The following TNNT1 variants were observed in gnomAD, a reference collection of about 807,000 sequenced individuals.
TNNT1 encodes troponin T, slow skeletal muscle.
TNNT1 carries 53 observed loss-of-function variants against 50.6 expected under a neutral mutation model. That is an observed-to-expected ratio of 1.05 (90% CI 0.84 to 1.32). The LOEUF is 1.32. Among genes scored for constraint, TNNT1 ranks in the 40% most tolerant of loss-of-function variants. The pLI is 0.00. For synonymous variants in TNNT1, 142 were observed against 138.0 expected (o/e 1.03, Z -0.20); for missense variants, 348 against 381.7 (o/e 0.91, Z 0.74).
Position 55,132,713 on chromosome 19 carries a change from C to A in TNNT1, c.*202G>T, listed in dbSNP as rs2085269939. The A allele has an allele frequency of 1.3e-5, 8 of 620,126 alleles. No homozygotes were observed. The highest frequency in any genetic ancestry group is 2.0e-5 in the Non-Finnish European group (7 of 347,144). The allele number at this position is 620,126 out of a possible 1,614,324, so 38.4% of individuals were successfully genotyped here. A position where few individuals can be genotyped will look rare whatever the true frequency, so the allele number is the denominator to read the frequency against. On this transcript the variant is annotated 3_prime_UTR_variant, in exon 14 of 14. Transcript: ENST00000588981. ...CAGCAGTGTGTGAAGGTTCAGCCTG[C>A]CGTACTTTAATGATTATTGGTGACA...
intron 11 of TNNT1, among the ~76,000 whole-genome samples, chr19:55,135,913 TC>T (rs1285013153): frequency 6.6e-6 from 1 of 152,110 alleles, no homozygotes; most frequent in Non-Finnish European, 1.5e-5. Flanking sequence ...GCACATCCTT[TC>T]CCGTCTCCAC....
Position 55,141,883 on chromosome 19 carries a change from G to A in TNNT1, c.166C>T (p.Pro56Ser). ...VVPPLIPPKI[P>S]EGERVDFDDI... ...TCGAAGTCAACGCGCTCCCCTTCTG[G>A]GATCTTTGGCGGGATCAAAGGAGGC... Residue 56 changes from proline (P) to serine (S), a missense_variant, in exon 7 of 14, where the codon CCA (proline) becomes TCA (serine). Coordinates refer to ENST00000588981, the MANE Select transcript of TNNT1 (RefSeq NM_003283.6). 1 of 1,614,052 alleles carries A rather than the reference G, an allele frequency of 6.2e-7. No individual in the cohort carries two copies. Among genetic ancestry groups the A allele is most frequent in the Non-Finnish European group, 8.5e-7 (1 of 1,179,984 alleles).
intron 4 of TNNT1, 84 bp downstream of exon 4, chr19:55,146,592 CGGGAG>C: frequency 8.1e-7 from 1 of 1,234,888 alleles, no homozygotes; most frequent in Non-Finnish European, 1.1e-6. Context: ...CCGAGGCCGT[CGGGAG>C]CCCCATCCCG....
chr19:55,147,856 A>G (rs1469251691), intron 1 of TNNT1: 9 of 102,312 alleles, frequency 8.8e-5, no homozygotes, highest in Admixed American at 1.0e-4. Context: ...AAGGGAGGAG[A>G]GGCTGGGAGT....
intron 8 of TNNT1, 43 bp from the exon 9 acceptor site, chr19:55,141,003 C>A (rs1186697921): frequency 6.2e-7 from 1 of 1,608,150 alleles, no homozygotes; most frequent in Non-Finnish European, 8.5e-7. Context: ...GACGTACCCC[C>A]AGTCTTCCTT....
chr19:55,135,077 T>C (rs1257207974), intron 11 of TNNT1, among the ~76,000 whole-genome samples: 1 of 152,116 alleles, frequency 6.6e-6, no homozygotes, highest in Non-Finnish European at 1.5e-5. Context: ...AAATAGCCTC[T>C]TGTGCATTAG....
chr19:55,146,962 C>T, intron 3 of TNNT1, 46 bp downstream of exon 3: 1 of 1,565,486 alleles, frequency 6.4e-7, no homozygotes, highest in Non-Finnish European at 8.7e-7. Flanking sequence ...CCCAAGAGCT[C>T]CTGGGCGTGT....
chr19:55,146,768 C>T, intron 3 of TNNT1, 61 bp from the exon 4 acceptor site: 1 of 1,355,028 alleles, frequency 7.4e-7, no homozygotes. Context: ...GGGGCGGTGG[C>T]CAGAGACCAG....
chr19:55,142,513 ATTG>A (rs954049711), intron 6 of TNNT1, among the ~76,000 whole-genome samples: 12 of 150,738 alleles, frequency 8.0e-5, no homozygotes, highest in African/African-American at 2.9e-4. Flanking sequence ...TTTTTCCTAT[ATTG>A]TTGTACTTTA....
intron 3 of TNNT1, 89 bp downstream of exon 3, chr19:55,146,919 C>T (rs2085567449): frequency 6.8e-7 from 1 of 1,471,272 alleles, no homozygotes; most frequent in Admixed American, 2.3e-5. Flanking sequence ...GCCGCCCCTT[C>T]CCCGCCAAAG....
intron 3 of TNNT1, 145 bp downstream of exon 3, chr19:55,146,863 G>A (rs923378735): frequency 1.6e-6 from 2 of 1,254,586 alleles, no homozygotes; most frequent in African/African-American, 3.0e-5. Flanking sequence ...ATGGCGCGAG[G>A]AGACGCTCCA....
intron 6 of TNNT1, among the ~76,000 whole-genome samples, chr19:55,142,270 A>G (rs139857818): frequency 0.014 from 2,104 of 148,288 alleles, 62 homozygotes; most frequent in African/African-American, 0.048. Context: ...ACAGGCGCCC[A>G]CCACCAAGCC....
intron 11 of TNNT1, chr19:55,135,414 CT>C (rs112550851): frequency 6.1e-3 from 1,346 of 221,140 alleles, no homozygotes; most frequent in South Asian, 0.014. Flanking sequence ...TCTTTCTTTT[CT>C]TTTTTTTTTG....
chr19:55,145,404 A>T lies in TNNT1; in HGVS notation c.128+140T>A, dbSNP rs1472523350. ...GGAGGGAGGAGGGAAAGGGGGAGGG[A>T]GGAGGAGGAGGAGGAGAAATGTCGA... On this transcript the variant is annotated intron_variant, in intron 6 of 13. Coordinates refer to ENST00000588981, the MANE Select transcript of TNNT1 (RefSeq NM_003283.6). 11 of 623,132 alleles carry T rather than the reference A, an allele frequency of 1.8e-5. No individual in the cohort carries two copies. The East Asian group carries it at 3.3e-4, about 19-fold the overall frequency. The allele number at this position is 623,132 out of a possible 1,614,324, so 38.6% of individuals were successfully genotyped here.
chr19:55,136,645 G>A lies in TNNT1; in HGVS notation c.611+458C>T, dbSNP rs569401476. On this transcript the variant is annotated intron_variant, in intron 11 of 13. Coordinates refer to ENST00000588981, the MANE Select transcript of TNNT1 (RefSeq NM_003283.6). ...CCAGGCCAGAGAACATGGAGAAACA[G>A]GCGGGCTCCTGAAGGCAAGCCCCCA... Among the ~76,000 whole-genome samples, 38 of 152,286 alleles carry A rather than the reference G, an allele frequency of 2.5e-4. No individual in the cohort carries two copies. In the South Asian group the frequency reaches 6.6e-3, roughly 27 times the overall value.
chr19:55,149,197 G>A lies in TNNT1; in HGVS notation c.-48C>T, dbSNP rs1405748401. The stretch of plus-strand genomic sequence containing the variant: ...CTGAGATGCTGTGAATCTTGAGGCT[G>A]AGCCTTGCTGAGGGCACTGAAGCTC... On this transcript the variant is annotated 5_prime_UTR_variant, in exon 1 of 14. Coordinates refer to ENST00000588981, the MANE Select transcript of TNNT1 (RefSeq NM_003283.6). The A allele has an allele frequency of 2.2e-6, 1 of 456,290 alleles. No individual in the cohort carries two copies. The highest frequency in any genetic ancestry group is 4.4e-6 in the Non-Finnish European group (1 of 226,946). The allele number at this position is 456,290 out of a possible 1,614,324, so 28.3% of individuals were successfully genotyped here. A position where few individuals can be genotyped will look rare whatever the true frequency, so the allele number is the denominator to read the frequency against.
At chr19:55,139,153 C>A (rs1030564867) in intron 9 of TNNT1, among the ~76,000 whole-genome samples, 1 of 152,134 alleles carries the variant, frequency 6.6e-6, no homozygotes, top group Admixed American at 6.5e-5. Flanking sequence ...ACATGTGCCA[C>A]CATTACCAGC....
At chr19:55,137,323 G>C (rs1416434389) in intron 10 of TNNT1, 111 bp from the exon 11 acceptor site, 8 of 739,770 alleles carry the variant, frequency 1.1e-5, no homozygotes, top group Non-Finnish European at 1.6e-5. Flanking sequence ...TGGGACCACA[G>C]GTCTGCACCC....
rs906322973 is a variant in TNNT1, at chr19:55,134,323, A to T, written c.612-119T>A. On this transcript the variant is annotated intron_variant, in intron 11 of 13. Transcript: ENST00000588981. ...ACCATTTTGTTCATATTTGAGGCCG[A>T]GAGTTTTAAAATCTGTGCCCACTTT... The T allele has an allele frequency of 4.7e-6, 5 of 1,053,632 alleles. No homozygotes were observed. In the African/African-American group the frequency reaches 7.9e-5, roughly 17 times the overall value. The allele number at this position is 1,053,632 out of a possible 1,614,324, so 65.3% of individuals were successfully genotyped here.
Sources: allele counts gnomAD v4.1 joint callset (sites outside exome capture counted in the v4.1 genomes callset), GRCh38; gene constraint gnomAD v4.1.1; transcripts MANE v1.5; gene names NCBI Gene and HGNC (gene_info 2026-07-23, HGNC 2026-07-21).